PCDHA2: variants seen among roughly 807,000 people sequenced by gnomAD.
PCDHA2 encodes protocadherin alpha 2.
In PCDHA2, 58 loss-of-function variants were observed where a neutral mutation model predicts 66.0. That is an observed-to-expected ratio of 0.88 (90% CI 0.71 to 1.09). PCDHA2 has a LOEUF of 1.09. PCDHA2 is among the 50% of genes least tolerant of loss of function. The probability of loss-of-function intolerance (pLI) is 0.00; values close to 1 mark genes in which losing one functional copy is unlikely to be tolerated. For missense variants in PCDHA2, 1,267 were observed against 1,242.3 expected, an observed-to-expected ratio of 1.02 and a Z score of -0.30; for synonymous variants, 634 against 554.0, an observed-to-expected ratio of 1.14 and a Z score of -2.03.
At chr5:140,958,192 C>G (rs1554223363) in intron 1 of PCDHA2, among the ~76,000 whole-genome samples, 1 of 151,790 alleles carries the variant, frequency 6.6e-6, no homozygotes, top group Non-Finnish European at 1.5e-5. Context: ...TGTTACTGGT[C>G]TAGTATACAA....
chr5:140,842,488 G>A, intron 1 of PCDHA2: 3 of 1,613,912 alleles, frequency 1.9e-6, no homozygotes, highest in Non-Finnish European at 1.7e-6. Flanking sequence ...CCTGCTCCCT[G>A]ATGCCCCATG....
At chr5:140,823,104 A>G (rs1554129140) in intron 1 of PCDHA2, 7 of 1,613,870 alleles carry the variant, frequency 4.3e-6, no homozygotes, top group Middle Eastern at 1.6e-4. Context: ...TGTCTGTGGA[A>G]GTGGCCGACG....
At chr5:141,009,279 A>T (rs2098404369) in intron 3 of PCDHA2, among the ~76,000 whole-genome samples, 1 of 152,124 alleles carries the variant, frequency 6.6e-6, no homozygotes, top group Non-Finnish European at 1.5e-5. Flanking sequence ...ACATAGTGAG[A>T]TCCCATTTCT....
chr5:140,870,726 G>A (rs782321328), intron 1 of PCDHA2: 15 of 1,613,118 alleles, frequency 9.3e-6, no homozygotes, highest in East Asian at 2.2e-5. Flanking sequence ...ATGCGGGCGT[G>A]CCGCCTCTGA....
At chr5:140,981,338 G>A (rs1563488090) in intron 2 of PCDHA2, among the ~76,000 whole-genome samples, 1 of 152,100 alleles carries the variant, frequency 6.6e-6, no homozygotes, top group Non-Finnish European at 1.5e-5. Context: ...CTTTGGGAGG[G>A]TGAGGCAGGT....
rs561828077 is a variant in PCDHA2 at position 140,908,632 on chromosome 5, C to T, written c.2389-70317C>T. On this transcript the variant is annotated intron_variant, in intron 1 of 3. Transcript: ENST00000526136. ...TGCTCCAAAATCCTTGAGGTCTCCA[C>T]TGTGATTCACTTATGGGGGCCTGCC... Among the ~76,000 whole-genome samples the T allele has an allele frequency of 9.8e-5, 15 of 152,318 alleles. No individual in the cohort carries two copies. In the East Asian group the frequency reaches 2.9e-3, roughly 29 times the overall value.
intron 1 of PCDHA2, chr5:140,807,679 G>C: frequency 6.2e-7 from 1 of 1,614,236 alleles, no homozygotes. Context: ...ATATCGGGGA[G>C]AACGCCCTGC....
intron 1 of PCDHA2, chr5:140,864,371 G>A (rs1005201982): frequency 6.6e-5 from 10 of 152,044 alleles, no homozygotes; most frequent in South Asian, 6.2e-4. Context: ...TTCTATAATC[G>A]ATAAGTTTAT....
At chr5:140,822,126 T>C (rs2150113855) in intron 1 of PCDHA2, 9 of 1,614,204 alleles carry the variant, frequency 5.6e-6, no homozygotes, top group Non-Finnish European at 6.8e-6. Flanking sequence ...AGGTTTTCCA[T>C]GTGGAGGTGG....
At chr5:140,828,560 G>T in intron 1 of PCDHA2, 1 of 1,614,210 alleles carries the variant, frequency 6.2e-7, no homozygotes, top group Non-Finnish European at 8.5e-7. Context: ...ACTGGAGGGC[G>T]CGTCCGATGC....
At chr5:140,905,635 A>ACTGTTGCCTCAGGCAGTGCAGG (rs2071993181) in intron 1 of PCDHA2, among the ~76,000 whole-genome samples, 1 of 152,206 alleles carries the variant, frequency 6.6e-6, no homozygotes, top group South Asian at 2.1e-4. Flanking sequence ...CAGTATGGTC[A>ACTGTTGCCTCAGGCAGTGCAGG]GTTTCACAGT....
Position 140,856,434 on chromosome 5 carries a change from C to T in PCDHA2, c.2388+59082C>T, listed in dbSNP as rs551569829. 39 of 1,598,320 alleles carry T rather than the reference C, an allele frequency of 2.4e-5. 3 individuals carry two copies. The South Asian group carries it at 3.9e-4, about 16-fold the overall frequency. On this transcript the variant is annotated intron_variant, in intron 1 of 3. Coordinates refer to ENST00000526136, the MANE Select transcript of PCDHA2 (RefSeq NM_018905.3). Reference sequence around the variant, plus strand: ...GAAGTGAAGGACATTAACGACAACCCGCCCAGGTTCTCCGTAACAGAACAA... The same window carrying T: ...GAAGTGAAGGACATTAACGACAACCTGCCCAGGTTCTCCGTAACAGAACAA...
At chr5:140,927,925 C>G in intron 1 of PCDHA2, 4 of 1,614,214 alleles carry the variant, frequency 2.5e-6, no homozygotes, top group Non-Finnish European at 8.5e-7. Flanking sequence ...CTTCCTGACT[C>G]TTTCGAACCC....
intron 3 of PCDHA2, among the ~76,000 whole-genome samples, chr5:140,999,702 T>A (rs78322991): frequency 6.6e-6 from 1 of 152,136 alleles, no homozygotes; most frequent in South Asian, 2.1e-4. Context: ...GATTTTTTTT[T>A]AGCTAACTAC....
intron 2 of PCDHA2, 158 bp downstream of exon 2, chr5:140,979,165 A>G (rs1586797430): frequency 1.0e-6 from 1 of 970,900 alleles, no homozygotes; most frequent in South Asian, 4.8e-5. Flanking sequence ...TTATTCCTTG[A>G]AAGATCGCAA....
chr5:140,961,638 A>G (rs1428621389), intron 1 of PCDHA2, among the ~76,000 whole-genome samples: 1 of 152,200 alleles, frequency 6.6e-6, no homozygotes, highest in Non-Finnish European at 1.5e-5. Flanking sequence ...AACAATCTTA[A>G]GTCTATGTGG....
In PCDHA2 at chr5:140,836,450, A is replaced by G. The variant is rs2150261212; in HGVS notation, c.2388+39098A>G. ...GGGCATCGTTGGGCATTGCAGGCCC[A>G]GAGACCGAGCTGGTGGATGTCAACG... On this transcript the variant is annotated intron_variant, in intron 1 of 3. Transcript: ENST00000526136. 70 of 1,613,750 alleles carry G rather than the reference A, an allele frequency of 4.3e-5. 1 individual carries two copies. The African/African-American group carries it at 8.4e-4, about 19-fold the overall frequency.
At chr5:140,840,887 T>C (rs1359040754) in intron 1 of PCDHA2, among the ~76,000 whole-genome samples, 2 of 151,984 alleles carry the variant, frequency 1.3e-5, no homozygotes, top group Non-Finnish European at 2.9e-5. Flanking sequence ...ATTTCTGATA[T>C]CCATGACATA....
At chr5:140,824,417 G>T in intron 1 of PCDHA2, 1 of 513,492 alleles carries the variant, frequency 1.9e-6, no homozygotes, top group Admixed American at 3.8e-5. Flanking sequence ...ACATAGTTTG[G>T]AGTCATTCTC....
Sources: allele counts gnomAD v4.1 joint callset (sites outside exome capture counted in the v4.1 genomes callset), GRCh38; gene constraint gnomAD v4.1.1; transcripts MANE v1.5; gene names NCBI Gene and HGNC (gene_info 2026-07-23, HGNC 2026-07-21).